CENPL: variants seen among roughly 807,000 people sequenced by gnomAD.
CENPL encodes the protein interphase centromere complex protein 33.
In CENPL, 20 loss-of-function variants were observed where a neutral mutation model predicts 35.2. The observed-to-expected ratio is 0.57, with a 90% CI of 0.40 to 0.83. CENPL has a LOEUF of 0.83. CENPL is among the 40% of genes least tolerant of loss of function. The pLI, the probability that CENPL is intolerant of heterozygous loss-of-function variation, is 0.00. For synonymous variants in CENPL, 140 were observed against 140.6 expected, an observed-to-expected ratio of 1.00 and a Z score of 0.03; for missense variants, 363 against 395.8, an observed-to-expected ratio of 0.92 and a Z score of 0.70.
In CENPL at chr1:173,800,361, A is replaced by G. The variant is rs1649633361; in HGVS notation, c.*87T>C. 1.1e-5 allele frequency: 7 copies of G among 611,210 alleles called. No individual in the cohort carries two copies. The highest frequency in any genetic ancestry group is 2.1e-5 in the Non-Finnish European group (7 of 334,844). The allele number at this position is 611,210 out of a possible 1,614,324, so 37.9% of individuals were successfully genotyped here. On this transcript the variant is annotated 3_prime_UTR_variant, in exon 6 of 6. Coordinates refer to ENST00000682279, the MANE Select transcript of CENPL (RefSeq NM_001387287.1). ...AAAACAGATGCAGAGATAGATGCCT[A>G]TTTCTCCTGCAGTCTCTTTCAGCAT... is the stretch of plus-strand genomic sequence containing the variant.
At chr1:173,802,785 T>C (rs963234746) in intron 5 of CENPL, among the ~76,000 whole-genome samples, 178 bp downstream of exon 5, 6 of 152,226 alleles carry the variant, frequency 3.9e-5, no homozygotes, top group African/African-American at 1.4e-4. Flanking sequence ...CCTTCCATTA[T>C]AAGGCTATAT....
intron 3 of CENPL, among the ~76,000 whole-genome samples, chr1:173,809,905 G>A (rs923685035): frequency 2.0e-5 from 3 of 152,202 alleles, no homozygotes; most frequent in African/African-American, 7.2e-5. Context: ...CTTATACATT[G>A]TTGGTAGGAG....
At chr1:173,819,533 G>A (rs1050997744) in intron 2 of CENPL, among the ~76,000 whole-genome samples, 2 of 152,094 alleles carry the variant, frequency 1.3e-5, no homozygotes, top group African/African-American at 2.4e-5. Flanking sequence ...AGGCTTCAGT[G>A]AGCCAAGAGC....
intron 2 of CENPL, among the ~76,000 whole-genome samples, chr1:173,814,603 A>G (rs1442140693): frequency 6.6e-6 from 1 of 152,238 alleles, no homozygotes; most frequent in Non-Finnish European, 1.5e-5. Flanking sequence ...TAATAAAATG[A>G]AGGCAGAAAT....
At chr1:173,821,757 TCTTA>T (rs1193445937) in intron 2 of CENPL, 1 of 151,688 alleles carries the variant, frequency 6.6e-6, no homozygotes, top group Non-Finnish European at 1.5e-5. Flanking sequence ...AAAGAGGTCC[TCTTA>T]CTTGTATCTC....
intron 2 of CENPL, chr1:173,823,062 T>G (rs1171385570): frequency 2.0e-5 from 3 of 152,218 alleles, no homozygotes; most frequent in Non-Finnish European, 4.4e-5. Flanking sequence ...TAAAAAGATA[T>G]ACACTTGTCC....
At chr1:173,806,760 T>C (rs1477460572) in intron 4 of CENPL, among the ~76,000 whole-genome samples, 1 of 152,082 alleles carries the variant, frequency 6.6e-6, no homozygotes, top group Non-Finnish European at 1.5e-5. Context: ...TAGGCTCAGG[T>C]GATCTGCCCG....
intron 5 of CENPL, among the ~76,000 whole-genome samples, chr1:173,800,830 A>C (rs1649677009): frequency 6.6e-6 from 1 of 151,578 alleles, no homozygotes; most frequent in East Asian, 1.9e-4. Flanking sequence ...AATGGTATAC[A>C]CCTATAGTCC....
intron 3 of CENPL, among the ~76,000 whole-genome samples, chr1:173,809,631 AC>A (rs1056545921): frequency 6.6e-5 from 10 of 151,776 alleles, no homozygotes; most frequent in Admixed American, 3.3e-4. Flanking sequence ...AAAAAAAACA[AC>A]CCCATTAAAA....
At chr1:173,820,923 A>G (rs1408930368) in intron 2 of CENPL, among the ~76,000 whole-genome samples, 1 of 152,214 alleles carries the variant, frequency 6.6e-6, no homozygotes, top group Non-Finnish European at 1.5e-5. Context: ...GACTATAAAA[A>G]GGCAACACAA....
chr1:173,809,212 G>A (rs1375852935), intron 3 of CENPL, among the ~76,000 whole-genome samples: 9 of 151,934 alleles, frequency 5.9e-5, no homozygotes, highest in Admixed American at 5.2e-4. Flanking sequence ...GCGTGGTGGC[G>A]GGCACCTGTA....
intron 3 of CENPL, among the ~76,000 whole-genome samples, chr1:173,808,911 C>T (rs1368097619): frequency 2.6e-5 from 4 of 152,112 alleles, no homozygotes; most frequent in Non-Finnish European, 5.9e-5. Context: ...AACTAAAGGG[C>T]TTCTGCACAG....
At chr1:173,809,860 A>G (rs1325124258) in intron 3 of CENPL, among the ~76,000 whole-genome samples, 1 of 152,142 alleles carries the variant, frequency 6.6e-6, no homozygotes, top group Non-Finnish European at 1.5e-5. Context: ...TCAAAAAAAA[A>G]CAGATGCTGG....
intron 2 of CENPL, among the ~76,000 whole-genome samples, chr1:173,818,103 T>C (rs1182768162): frequency 2.0e-5 from 3 of 152,010 alleles, no homozygotes; most frequent in African/African-American, 4.8e-5. Flanking sequence ...TGTATACCTA[T>C]GTAACAAACC....
At chr1:173,808,947 C>T (rs1650528457) in intron 3 of CENPL, among the ~76,000 whole-genome samples, 1 of 152,072 alleles carries the variant, frequency 6.6e-6, no homozygotes, top group Non-Finnish European at 1.5e-5. Flanking sequence ...ACAGAGTAAA[C>T]AGAAAACCTA....
intron 3 of CENPL, among the ~76,000 whole-genome samples, chr1:173,809,565 C>T (rs1274904023): frequency 6.6e-6 from 1 of 151,076 alleles, no homozygotes; most frequent in Non-Finnish European, 1.5e-5. Context: ...GCACTCCAGC[C>T]TGGCTGGGTG....
At chr1:173,816,906 G>A (rs1373632352) in intron 2 of CENPL, among the ~76,000 whole-genome samples, 1 of 152,172 alleles carries the variant, frequency 6.6e-6, no homozygotes, top group African/African-American at 2.4e-5. Flanking sequence ...TTGGGATGCT[G>A]AGGCGGGTGG....
At chr1:173,806,586 A>AAAAAT (rs1176662391) in intron 4 of CENPL, 8 of 302,836 alleles carry the variant, frequency 2.6e-5, no homozygotes, top group Non-Finnish European at 4.0e-5. Flanking sequence ...CCTGTCTCAA[A>AAAAAT]AAAATAAAAT....
At chr1:173,802,160 T>C (rs1430483668) in intron 5 of CENPL, among the ~76,000 whole-genome samples, 1 of 152,174 alleles carries the variant, frequency 6.6e-6, no homozygotes, top group Admixed American at 6.5e-5. Context: ...ATTGTGGCTG[T>C]GTATTTTAAT....
Sources: gnomAD v4.1 joint callset for allele counts (sites outside exome capture counted in the v4.1 genomes callset) on GRCh38, gnomAD v4.1.1 for gene constraint, MANE v1.5 for transcripts, NCBI Gene and HGNC (gene_info 2026-07-23, HGNC 2026-07-21) for gene names.